Variants in ERBB4 observed in about 807,000 individuals in gnomAD.
The protein encoded by ERBB4 is receptor tyrosine-protein kinase erbB-4.
In ERBB4, 42 loss-of-function variants were observed where a neutral mutation model predicts 158.0. The observed-to-expected ratio is 0.27, with a 90% CI of 0.21 to 0.34. The LOEUF (loss-of-function observed/expected upper bound fraction) is 0.34, where lower values mean the gene tolerates loss of function less well. ERBB4 is among the 10% of genes least tolerant of loss of function. The pLI is 1.00. For synonymous variants in ERBB4, 583 were observed against 558.7 expected, an observed-to-expected ratio of 1.04 and a Z score of -0.61; for missense variants, 1,333 against 1,624.1, an observed-to-expected ratio of 0.82 and a Z score of 3.08.
chr2:212,018,694 G>A (rs1352917398), intron 2 of ERBB4, among the ~76,000 whole-genome samples: 2 of 152,072 alleles, frequency 1.3e-5, no homozygotes, highest in African/African-American at 4.8e-5. Flanking sequence ...AAAGACACCA[G>A]TTCAAGACCC....
chr2:211,988,119 A>T (rs1240106371), intron 2 of ERBB4, among the ~76,000 whole-genome samples: 2 of 152,202 alleles, frequency 1.3e-5, no homozygotes, highest in Admixed American at 1.3e-4. Context: ...GAAATAATTT[A>T]TTAGAGCAGA....
intron 1 of ERBB4, among the ~76,000 whole-genome samples, chr2:212,443,089 C>G (rs966376252): frequency 1.3e-5 from 2 of 152,348 alleles, no homozygotes; most frequent in Middle Eastern, 3.4e-3. Context: ...TTGGCAAATG[C>G]CTTTTTCTCC....
At chr2:212,055,295 C>G (rs1199060900) in intron 2 of ERBB4, among the ~76,000 whole-genome samples, 1 of 152,178 alleles carries the variant, frequency 6.6e-6, no homozygotes, top group African/African-American at 2.4e-5. Context: ...AACAAAGCGG[C>G]CAGGAAGCTC....
intron 1 of ERBB4, among the ~76,000 whole-genome samples, chr2:212,475,003 C>T (rs1207676656): frequency 2.0e-5 from 3 of 151,820 alleles, no homozygotes; most frequent in Admixed American, 1.3e-4. Flanking sequence ...TTAGGCTTTC[C>T]CAAACTGCTG....
chr2:212,265,520 A>G (rs1559880349), intron 1 of ERBB4, among the ~76,000 whole-genome samples: 1 of 152,076 alleles, frequency 6.6e-6, no homozygotes, highest in Non-Finnish European at 1.5e-5. Flanking sequence ...AGTCTATCTC[A>G]TTGGCTTTGG....
At chr2:211,446,033 G>C (rs1379575279) in intron 20 of ERBB4, among the ~76,000 whole-genome samples, 2 of 152,184 alleles carry the variant, frequency 1.3e-5, no homozygotes, top group Admixed American at 1.3e-4. Flanking sequence ...AGAACAAGAT[G>C]GGGGGAGCTA....
At chr2:211,927,980 G>A (rs1011515359) in intron 3 of ERBB4, among the ~76,000 whole-genome samples, 22 of 151,914 alleles carry the variant, frequency 1.4e-4, no homozygotes, top group Admixed American at 2.6e-4. Context: ...TATTTTTCAC[G>A]TAATTCTAAG....
At chr2:212,402,336 G>T (rs2091230535) in intron 1 of ERBB4, among the ~76,000 whole-genome samples, 2 of 152,090 alleles carry the variant, frequency 1.3e-5, no homozygotes, top group Non-Finnish European at 2.9e-5. Context: ...ACAGATTAGT[G>T]ATTGCCACAG....
intron 1 of ERBB4, among the ~76,000 whole-genome samples, chr2:212,341,165 C>T (rs1158174346): frequency 1.3e-5 from 2 of 151,476 alleles, no homozygotes; most frequent in Non-Finnish European, 2.9e-5. Context: ...AAAATAAAGG[C>T]TAATATTTGC....
At chr2:212,120,636 C>T (rs2079718993) in intron 2 of ERBB4, among the ~76,000 whole-genome samples, 1 of 152,080 alleles carries the variant, frequency 6.6e-6, no homozygotes, top group African/African-American at 2.4e-5. Context: ...ACACTACGAC[C>T]TCACTAGCTA....
intron 5 of ERBB4, 125 bp downstream of exon 5, chr2:211,750,513 AG>A: frequency 1.2e-6 from 1 of 825,964 alleles, no homozygotes; most frequent in South Asian, 1.4e-5. Context: ...CTTGGCCCAA[AG>A]CAAATCAACC....
At chr2:211,683,179 T>C (rs1228749083) in intron 12 of ERBB4, among the ~76,000 whole-genome samples, 1 of 152,010 alleles carries the variant, frequency 6.6e-6, no homozygotes, top group East Asian at 1.9e-4. Flanking sequence ...TACCGTGTTA[T>C]AGATACCCAG....
At position 212,292,455 on chromosome 2, in the gene ERBB4, G is replaced by A. The variant is rs192391086; in HGVS notation, c.83-167552C>T. ...TCTACCAATTTCCAGAATTAATATTGCAGTTAATTTCTAGTACCTTTAGTG... is the reference window on the plus strand; with the variant it reads ...TCTACCAATTTCCAGAATTAATATTACAGTTAATTTCTAGTACCTTTAGTG... On this transcript the variant is annotated intron_variant, in intron 1 of 27. Transcript: ENST00000342788. Among the ~76,000 whole-genome samples, 136 of 151,956 alleles carry A rather than the reference G, an allele frequency of 8.9e-4. 1 individual carries two copies. Among genetic ancestry groups the A allele is most frequent in the African/African-American group, 3.0e-3 (123 of 41,490 alleles).
rs2125721259 is a variant in ERBB4, at chr2:211,561,929, G to A, written c.2461C>T (p.Leu821Phe). The change falls in exon 20 of 28, where the codon CTT becomes TTT. Residue 821 changes from leucine (L) to phenylalanine (F), a missense_variant. Physicochemically the swap from Leu to Phe is conservative, Grantham distance 22. Around this residue, in one of 5 missense-constraint regions of ERBB4, gnomAD observed 314 missense variants for 437.6 expected, o/e 0.72. Coordinates refer to ENST00000342788, the MANE Select transcript of ERBB4 (RefSeq NM_005235.3). Reference sequence around the variant, plus strand: ...TTAGCTATCTGGACACACCAGTTAAGCAGCAGTTGTGATCCAATGTTATCC... The same window carrying A: ...TTAGCTATCTGGACACACCAGTTAAACAGCAGTTGTGATCCAATGTTATCC... ...HKDNIGSQLL[L>F]NWCVQIAKGM... 1.2e-6 allele frequency: 2 copies of A among 1,614,066 alleles called. No homozygotes were observed. The highest frequency in any genetic ancestry group is 8.5e-7 in the Non-Finnish European group (1 of 1,179,976).
chr2:211,723,529 G>A (rs1018273425), intron 6 of ERBB4, among the ~76,000 whole-genome samples: 2 of 151,972 alleles, frequency 1.3e-5, no homozygotes, highest in African/African-American at 4.8e-5. Flanking sequence ...ATCAATTGTT[G>A]TTTTAGCAAG....
intron 25 of ERBB4, among the ~76,000 whole-genome samples, chr2:211,395,319 G>A (rs2062888336): frequency 1.3e-5 from 2 of 151,990 alleles, no homozygotes; most frequent in South Asian, 4.1e-4. Flanking sequence ...TTTACAGATA[G>A]AGACTCTGAC....
chr2:212,378,664 T>C (rs546243496), intron 1 of ERBB4, among the ~76,000 whole-genome samples: 2 of 151,884 alleles, frequency 1.3e-5, no homozygotes, highest in South Asian at 4.1e-4. Context: ...TTTATCTTTT[T>C]ATTATCTTTG....
chr2:212,126,730 A>G (rs1186467058), intron 1 of ERBB4, among the ~76,000 whole-genome samples: 1 of 152,152 alleles, frequency 6.6e-6, no homozygotes, highest in African/African-American at 2.4e-5. Flanking sequence ...GCTTAGTAAT[A>G]AGGTAATATA....
intron 1 of ERBB4, among the ~76,000 whole-genome samples, chr2:212,274,512 C>T (rs965789848): frequency 2.6e-5 from 4 of 151,732 alleles, no homozygotes; most frequent in Non-Finnish European, 4.4e-5. Flanking sequence ...TAGCAACTAG[C>T]GGAGGCTAGA....
Sources: gnomAD v4.1 joint callset for allele counts (sites outside exome capture counted in the v4.1 genomes callset) on GRCh38, gnomAD v4.1.1 for gene constraint, gnomAD v4.1.1 regional missense constraint, MANE v1.5 for transcripts, NCBI Gene and HGNC (gene_info 2026-07-23, HGNC 2026-07-21) for gene names.